PIP4K2A: variants seen among roughly 807,000 people sequenced by gnomAD.
The protein encoded by PIP4K2A is phosphatidylinositol 5-phosphate 4-kinase type-2 alpha.
A neutral mutation model predicts 42.9 loss-of-function variants in PIP4K2A; 14 were observed. The ratio of observed to expected loss-of-function variants is 0.33; its 90% CI spans 0.22 to 0.51. PIP4K2A has a LOEUF of 0.51. Ranked by LOEUF, PIP4K2A falls within the 20% of genes least tolerant of loss-of-function variation. The probability of loss-of-function intolerance (pLI) is 0.97; values close to 1 mark genes in which losing one functional copy is unlikely to be tolerated. For missense variants in PIP4K2A, 434 were observed against 519.8 expected (o/e 0.83, Z 1.61); for synonymous variants, 192 against 192.2 (o/e 1.00, Z 0.01).
At chr10:22,636,402 C>G (rs970399495) in intron 1 of PIP4K2A, among the ~76,000 whole-genome samples, 1 of 152,092 alleles carries the variant, frequency 6.6e-6, no homozygotes, top group Non-Finnish European at 1.5e-5. Context: ...CAGGTGTGTG[C>G]CACTACACCC....
At chr10:22,605,750 C>T (rs925742930) in intron 3 of PIP4K2A, among the ~76,000 whole-genome samples, 4 of 150,944 alleles carry the variant, frequency 2.6e-5, no homozygotes, top group Non-Finnish European at 4.4e-5. Context: ...AAAAAAAGGA[C>T]GTGGAGAGAA....
At chr10:22,631,662 C>T (rs940435745) in intron 1 of PIP4K2A, among the ~76,000 whole-genome samples, 1 of 152,042 alleles carries the variant, frequency 6.6e-6, no homozygotes, top group African/African-American at 2.4e-5. Context: ...GGAAACTCTT[C>T]CTTACAGTAC....
chr10:22,609,506 T>C (rs183406585), intron 2 of PIP4K2A, 114 bp downstream of exon 2: 6 of 687,694 alleles, frequency 8.7e-6, no homozygotes, highest in African/African-American at 1.8e-5. Flanking sequence ...AGGATTAACT[T>C]CATCAGCAAA....
At chr10:22,559,280 C>T (rs1157266575) in intron 6 of PIP4K2A, among the ~76,000 whole-genome samples, 1 of 152,170 alleles carries the variant, frequency 6.6e-6, no homozygotes, top group Non-Finnish European at 1.5e-5. Context: ...GTCTTCTCTC[C>T]ACCCCAACTT....
At chr10:22,539,748 G>A in intron 9 of PIP4K2A, 1 of 536,714 alleles carries the variant, frequency 1.9e-6, no homozygotes, top group East Asian at 3.0e-5. Context: ...AAGCGTTTGT[G>A]GGTTCTGTAT....
At chr10:22,609,306 A>G (rs1373606768) in intron 2 of PIP4K2A, among the ~76,000 whole-genome samples, 1 of 152,248 alleles carries the variant, frequency 6.6e-6, no homozygotes, top group African/African-American at 2.4e-5. Flanking sequence ...AGTTCTGTGT[A>G]CAAGAGCAGA....
chr10:22,687,447 T>C (rs1839787398), intron 1 of PIP4K2A, among the ~76,000 whole-genome samples: 1 of 152,158 alleles, frequency 6.6e-6, no homozygotes, highest in Non-Finnish European at 1.5e-5. Flanking sequence ...AGAGGTCTAA[T>C]GTAGACCTCA....
At chr10:22,565,522 C>CT (rs1431320904) in intron 6 of PIP4K2A, among the ~76,000 whole-genome samples, 1 of 152,212 alleles carries the variant, frequency 6.6e-6, no homozygotes, top group Non-Finnish European at 1.5e-5. Flanking sequence ...ACTTTAATCT[C>CT]TTAATCCTGT....
intron 1 of PIP4K2A, among the ~76,000 whole-genome samples, chr10:22,616,025 G>A (rs1272093231): frequency 7.4e-6 from 1 of 134,664 alleles, no homozygotes; most frequent in Non-Finnish European, 1.7e-5. Flanking sequence ...CTTGCTGCCC[G>A]GCCATTGGGC....
intron 6 of PIP4K2A, among the ~76,000 whole-genome samples, chr10:22,557,821 CCT>C (rs1836588996): frequency 8.6e-5 from 13 of 152,024 alleles, no homozygotes; most frequent in Admixed American, 7.2e-4. Flanking sequence ...AATACATGAA[CCT>C]AAAATGCACA....
At chr10:22,681,104 C>A (rs1485678329) in intron 1 of PIP4K2A, among the ~76,000 whole-genome samples, 1 of 152,148 alleles carries the variant, frequency 6.6e-6, no homozygotes, top group Non-Finnish European at 1.5e-5. Context: ...AATGTACTGC[C>A]CCAGATTTTT....
At chr10:22,640,278 T>C (rs1266394497) in intron 1 of PIP4K2A, among the ~76,000 whole-genome samples, 2 of 152,214 alleles carry the variant, frequency 1.3e-5, no homozygotes, top group Non-Finnish European at 1.5e-5. Context: ...CTATTGCATC[T>C]GGGAAATTCA....
intron 1 of PIP4K2A, among the ~76,000 whole-genome samples, chr10:22,690,695 T>C (rs992661146): frequency 6.6e-6 from 1 of 152,176 alleles, no homozygotes; most frequent in Admixed American, 6.5e-5. Context: ...GTCCTCTTAA[T>C]AGCATGGTAA....
intron 1 of PIP4K2A, chr10:22,661,854 A>C (rs1839211368): frequency 6.6e-6 from 1 of 152,236 alleles, no homozygotes; most frequent in Non-Finnish European, 1.5e-5. Flanking sequence ...AAATTCTAGG[A>C]TGAAGGACCA....
rs746817518 is a variant in PIP4K2A, at chr10:22,714,163, C to T, written c.144+20G>A. On this transcript the variant is annotated intron_variant, in intron 1 of 9. Coordinates refer to ENST00000376573, the MANE Select transcript of PIP4K2A (RefSeq NM_005028.5). Reference sequence around the variant, plus strand: ...GAGGAGGAGGAGGAAGGGGACCGCGCGCCGCAGCTGAGCCCTTACCGAGTG... The same window carrying T: ...GAGGAGGAGGAGGAAGGGGACCGCGTGCCGCAGCTGAGCCCTTACCGAGTG... 6.3e-7 allele frequency: 1 copy of T among 1,595,018 alleles called. No homozygotes were observed. The highest frequency in any genetic ancestry group is 2.3e-5 in the East Asian group (1 of 43,590).
chr10:22,590,449 T>A (rs1413083406), intron 4 of PIP4K2A, among the ~76,000 whole-genome samples: 2 of 152,224 alleles, frequency 1.3e-5, no homozygotes, highest in African/African-American at 4.8e-5. Context: ...CCACCACACA[T>A]TGAGTATCTA....
At chr10:22,592,166 G>GCATTTCC (rs1564434221) in intron 3 of PIP4K2A, among the ~76,000 whole-genome samples, 1 of 152,194 alleles carries the variant, frequency 6.6e-6, no homozygotes, top group Non-Finnish European at 1.5e-5. Flanking sequence ...TTATATGACA[G>GCATTTCC]GTATCGTGCC....
At chr10:22,625,737 A>G (rs746556518) in intron 1 of PIP4K2A, among the ~76,000 whole-genome samples, 6 of 152,248 alleles carry the variant, frequency 3.9e-5, no homozygotes, top group Non-Finnish European at 8.8e-5. Context: ...GGCCAGAGGC[A>G]GGAGGCAGGG....
intron 1 of PIP4K2A, among the ~76,000 whole-genome samples, chr10:22,681,501 T>G (rs954007208): frequency 6.6e-6 from 1 of 152,058 alleles, no homozygotes; most frequent in Non-Finnish European, 1.5e-5. Context: ...CAGTGAGACC[T>G]TGTCTCTTCA....
Sources: gnomAD v4.1 joint callset for allele counts (sites outside exome capture counted in the v4.1 genomes callset) on GRCh38, gnomAD v4.1.1 for gene constraint, MANE v1.5 for transcripts, NCBI Gene and HGNC (gene_info 2026-07-23, HGNC 2026-07-21) for gene names.